Variants in MAGI3 observed in about 807,000 individuals in gnomAD.
The protein encoded by MAGI3 is membrane associated guanylate kinase, WW and PDZ domain containing 3.
MAGI3 carries 43 observed loss-of-function variants against 121.8 expected under a neutral mutation model. The observed-to-expected ratio is 0.35, with a 90% CI of 0.28 to 0.46. The LOEUF (loss-of-function observed/expected upper bound fraction) is 0.46, where lower values mean the gene tolerates loss of function less well. Ranked by LOEUF, MAGI3 falls within the 20% of genes least tolerant of loss-of-function variation. The pLI, the probability that MAGI3 is intolerant of heterozygous loss-of-function variation, is 1.00. For missense variants in MAGI3, 1,547 were observed against 1,797.3 expected (o/e 0.86, Z 2.52); for synonymous variants, 553 against 639.3 (o/e 0.86, Z 2.04).
At chr1:113,634,917 G>A (rs1188871214) in intron 9 of MAGI3, among the ~76,000 whole-genome samples, 2 of 152,024 alleles carry the variant, frequency 1.3e-5, no homozygotes, top group Non-Finnish European at 2.9e-5. Flanking sequence ...ATTGAGCAGT[G>A]GTTTGTAGTT....
chr1:113,447,846 CTG>C (rs1654259028), intron 1 of MAGI3, among the ~76,000 whole-genome samples: 1 of 147,986 alleles, frequency 6.8e-6, no homozygotes, highest in Admixed American at 6.9e-5. Flanking sequence ...CAGAACAAGA[CTG>C]TGTCTCAAAA....
intron 1 of MAGI3, among the ~76,000 whole-genome samples, chr1:113,436,017 T>C (rs968303092): frequency 6.6e-6 from 1 of 150,686 alleles, no homozygotes; most frequent in East Asian, 2.1e-4. Context: ...TTAGAAATAA[T>C]GATTATTGAA....
chr1:113,485,731 C>G (rs1354473038), intron 1 of MAGI3, among the ~76,000 whole-genome samples: 2 of 152,258 alleles, frequency 1.3e-5, no homozygotes, highest in African/African-American at 4.8e-5. Context: ...GTCATGAAGT[C>G]TTTGCTTAAG....
chr1:113,515,403 G>A (rs1452310373), intron 1 of MAGI3, among the ~76,000 whole-genome samples: 1 of 152,054 alleles, frequency 6.6e-6, no homozygotes, highest in Non-Finnish European at 1.5e-5. Context: ...TCAAATGTTT[G>A]TCTAAAATTA....
chr1:113,428,540 A>T (rs905337296), intron 1 of MAGI3, among the ~76,000 whole-genome samples: 1 of 152,254 alleles, frequency 6.6e-6, no homozygotes, highest in African/African-American at 2.4e-5. Flanking sequence ...TGCAAGCCGC[A>T]AATGTGAGCC....
intron 1 of MAGI3, among the ~76,000 whole-genome samples, chr1:113,547,911 C>T (rs1659609474): frequency 6.6e-6 from 1 of 152,158 alleles, no homozygotes; most frequent in Non-Finnish European, 1.5e-5. Flanking sequence ...TGCTCAGCAT[C>T]TATTTTTAGC....
chr1:113,471,519 C>T (rs1278974494), intron 1 of MAGI3, among the ~76,000 whole-genome samples: 3 of 152,108 alleles, frequency 2.0e-5, no homozygotes, highest in Non-Finnish European at 4.4e-5. Flanking sequence ...AAAAAGACTA[C>T]AGGAAGACCT....
At chr1:113,537,005 C>T (rs1251033555) in intron 1 of MAGI3, among the ~76,000 whole-genome samples, 1 of 152,146 alleles carries the variant, frequency 6.6e-6, no homozygotes, top group Admixed American at 6.5e-5. Flanking sequence ...TTTAATATGC[C>T]AGTCTAATTT....
Position 113,620,318 on chromosome 1 carries a change from T to A in MAGI3, c.1171+488T>A, listed in dbSNP as rs560450824. On this transcript the variant is annotated intron_variant, in intron 8 of 20. Coordinates refer to ENST00000307546, the MANE Select transcript of MAGI3 (RefSeq NM_001142782.2). ...TAACATCAGATTCATTTAGGGAGCATTTTTTTAAAAATATAGATCCAGAAA... is the reference window on the plus strand; with the variant it reads ...TAACATCAGATTCATTTAGGGAGCAATTTTTTAAAAATATAGATCCAGAAA... 9.8e-4 allele frequency among the ~76,000 whole-genome samples: 149 copies of A among 152,210 alleles called. No homozygotes were observed. In the Middle Eastern group the frequency reaches 0.014, roughly 14 times the overall value.
rs1655300374 is a variant in MAGI3 at position 113,466,590 on chromosome 1, A to AT, written c.316+75241_316+75242insT. The stretch of plus-strand genomic sequence containing the variant: ...TTAAATGGTTGGTAGAATCATCAAT[A>AT]GAGCCATAAGGTTCCACACTTTTCT... On this transcript the variant is annotated intron_variant, in intron 1 of 20. Coordinates refer to ENST00000307546, the MANE Select transcript of MAGI3 (RefSeq NM_001142782.2). Among the ~76,000 whole-genome samples, 3 of 152,294 alleles carry AT rather than the reference A, an allele frequency of 2.0e-5. No individual in the cohort carries two copies. The South Asian group carries it at 6.2e-4, about 32-fold the overall frequency.
chr1:113,612,659 A>G (rs987269142), intron 6 of MAGI3, among the ~76,000 whole-genome samples: 5 of 152,162 alleles, frequency 3.3e-5, no homozygotes, highest in African/African-American at 9.7e-5. Flanking sequence ...TAATGGTATC[A>G]GTGGTAAAGG....
chr1:113,422,484 G>A lies in MAGI3; in HGVS notation c.316+31135G>A, dbSNP rs998002314. Reference sequence around the variant, plus strand: ...CGGATCCCATACCTGCCAAGGGTGAGCCAGGACAGAGCGGTGAGGGGCATG... The same window carrying A: ...CGGATCCCATACCTGCCAAGGGTGAACCAGGACAGAGCGGTGAGGGGCATG... On this transcript the variant is annotated intron_variant, in intron 1 of 20. Coordinates refer to ENST00000307546, the MANE Select transcript of MAGI3 (RefSeq NM_001142782.2). The surrounding 1 kb of genome is among the most constrained non-coding windows in gnomAD (Gnocchi z 4.3). Among the ~76,000 whole-genome samples the A allele has an allele frequency of 6.6e-6, 1 of 152,242 alleles. No individual in the cohort carries two copies. The highest frequency in any genetic ancestry group is 1.5e-5 in the Non-Finnish European group (1 of 68,044).
chr1:113,450,457 C>T lies in MAGI3; in HGVS notation c.316+59108C>T, dbSNP rs1654422536. 2.7e-6 allele frequency: 3 copies of T among 1,107,328 alleles called. No homozygotes were observed. The African/African-American group carries it at 4.6e-5, about 17-fold the overall frequency. 68.6% of individuals were successfully genotyped at this position (1,107,328 alleles called of 1,614,324 possible). A position where few individuals can be genotyped will look rare whatever the true frequency, so the allele number is the denominator to read the frequency against. On this transcript the variant is annotated intron_variant, in intron 1 of 20. Transcript: ENST00000307546. ...GTCCTGGTTATAGTAGTAGAGGGGG[C>T]TATGGTGGTGGTGGACCAGGATATG... is the stretch of plus-strand genomic sequence containing the variant.
chr1:113,474,500 G>C (rs986668715), intron 1 of MAGI3, among the ~76,000 whole-genome samples: 18 of 152,158 alleles, frequency 1.2e-4, no homozygotes, highest in Admixed American at 9.8e-4. Context: ...AGTTTTCCCA[G>C]CACCATTTAT....
intron 1 of MAGI3, among the ~76,000 whole-genome samples, chr1:113,416,033 ATATTAAT>A (rs1458384787): frequency 1.3e-5 from 2 of 149,300 alleles, no homozygotes; most frequent in African/African-American, 4.9e-5. Context: ...TTAATGACAC[ATATTAAT>A]TATGTAATTA....
chr1:113,567,404 A>G (rs972883788), intron 2 of MAGI3, among the ~76,000 whole-genome samples: 6 of 152,054 alleles, frequency 3.9e-5, no homozygotes, highest in Admixed American at 3.9e-4. Flanking sequence ...AGAGAAAGGG[A>G]CACTCTCAAA....
rs758011414 is a variant in MAGI3 at position 113,651,070 on chromosome 1, C to T, written c.2304C>T (p.Arg768=). ...LGAAEKDGRL[R]AADELMCIDG... ...CAGCTGAGAAAGATGGTCGGCTCCG[C>T]GCAGCTGATGAACTAATGTGCATTG... The change falls in exon 14 of 21, where the codon CGC becomes CGT. Residue 768 remains arginine (R), a synonymous_variant. Transcript: ENST00000307546. The T allele has an allele frequency of 1.2e-5, 19 of 1,613,966 alleles. No homozygotes were observed. Among genetic ancestry groups the T allele is most frequent in the Non-Finnish European group, 1.4e-5 (17 of 1,180,008 alleles).
In MAGI3 at chr1:113,646,602, T is replaced by G. The variant is rs765454946; in HGVS notation, c.2115T>G (p.Ser705=). The change falls in exon 12 of 21, where the codon TCT becomes TCG. Residue 705 remains serine, a synonymous_variant. Coordinates refer to ENST00000307546, the MANE Select transcript of MAGI3 (RefSeq NM_001142782.2). ...CAGGATCCCCAAAATTGGATCCTTCTGAGGTCTACCTGAAATCTAAGACTT... is the reference window on the plus strand; with the variant it reads ...CAGGATCCCCAAAATTGGATCCTTCGGAGGTCTACCTGAAATCTAAGACTT... ...IRSGSPKLDP[S]EVYLKSKTLY... is the part of the protein sequence containing the mutation. The G allele has an allele frequency of 6.8e-6, 11 of 1,611,164 alleles. No individual in the cohort carries two copies. Among genetic ancestry groups the G allele is most frequent in the Non-Finnish European group, 7.6e-6 (9 of 1,178,740 alleles).
chr1:113,561,585 A>C (rs1660236772), intron 2 of MAGI3, among the ~76,000 whole-genome samples: 1 of 152,232 alleles, frequency 6.6e-6, no homozygotes, highest in African/African-American at 2.4e-5. Flanking sequence ...AAAAATTCTC[A>C]ATAAACTAGA....
Sources: gnomAD v4.1 joint callset for allele counts (sites outside exome capture counted in the v4.1 genomes callset) on GRCh38, gnomAD v4.1.1 for gene constraint, Gnocchi (gnomAD v3.1) non-coding constraint, MANE v1.5 for transcripts, NCBI Gene and HGNC (gene_info 2026-07-23, HGNC 2026-07-21) for gene names.